The following SLC44A5 variants were observed in gnomAD, a reference collection of about 807,000 sequenced individuals.
The protein encoded by SLC44A5 is choline transporter-like protein 5.
In SLC44A5, 57 loss-of-function variants were observed where a neutral mutation model predicts 101.8. That is an observed-to-expected ratio of 0.56 (90% CI 0.45 to 0.70). The LOEUF is 0.70. SLC44A5 is among the 30% of genes least tolerant of loss of function. SLC44A5 has a pLI of 0.00. For synonymous variants in SLC44A5, 281 were observed against 290.9 expected, an observed-to-expected ratio of 0.97 and a Z score of 0.35; for missense variants, 737 against 853.1, an observed-to-expected ratio of 0.86 and a Z score of 1.70.
chr1:75,420,108 C>A (rs1331704817), intron 2 of SLC44A5, among the ~76,000 whole-genome samples: 1 of 152,016 alleles, frequency 6.6e-6, no homozygotes, highest in Non-Finnish European at 1.5e-5. Flanking sequence ...ATCCCTTCTA[C>A]CCTATGAAAA....
At chr1:75,549,150 G>C (rs1252289233) in intron 1 of SLC44A5, among the ~76,000 whole-genome samples, 2 of 152,122 alleles carry the variant, frequency 1.3e-5, no homozygotes, top group East Asian at 1.9e-4. Flanking sequence ...CAGAGGTTTT[G>C]CTTTGACTCT....
chr1:75,495,654 C>A (rs1167499911), intron 2 of SLC44A5, among the ~76,000 whole-genome samples: 1 of 151,386 alleles, frequency 6.6e-6, no homozygotes, highest in Non-Finnish European at 1.5e-5. Context: ...AAAGGTTCAG[C>A]AAACTCAAAG....
chr1:75,227,292 G>A lies in SLC44A5; in HGVS notation c.985+434C>T, dbSNP rs565981660. Among the ~76,000 whole-genome samples, 29 of 152,264 alleles carry A rather than the reference G, an allele frequency of 1.9e-4. No individual in the cohort carries two copies. In the South Asian group the frequency reaches 5.4e-3, roughly 28 times the overall value. On this transcript the variant is annotated intron_variant, in intron 13 of 23. Transcript: ENST00000370859. The stretch of plus-strand genomic sequence containing the variant: ...AGGTGGTAGAATTGCTTGAGTTTGG[G>A]AGGTCAAGGGTGAAGTTAGCCATGA...
chr1:75,305,048 T>C (rs911292584), intron 4 of SLC44A5, among the ~76,000 whole-genome samples: 4 of 152,226 alleles, frequency 2.6e-5, no homozygotes, highest in African/African-American at 9.6e-5. Context: ...TGCTACCTTA[T>C]ATCTATTTTC....
chr1:75,355,010 G>A lies in SLC44A5; in HGVS notation c.53-15380C>T, dbSNP rs1658963482. Among the ~76,000 whole-genome samples the A allele has an allele frequency of 2.6e-5, 4 of 152,210 alleles. No homozygotes were observed. In the South Asian group the frequency reaches 8.3e-4, roughly 32 times the overall value. Reference sequence around the variant, plus strand: ...ATGTCATAATGTATATCTGTTTCTCGATGTCCACTTTCCCACCACTGTGTG... The same window carrying A: ...ATGTCATAATGTATATCTGTTTCTCAATGTCCACTTTCCCACCACTGTGTG... On this transcript the variant is annotated intron_variant, in intron 3 of 23. Transcript: ENST00000370859.
intron 1 of SLC44A5, among the ~76,000 whole-genome samples, chr1:75,607,737 C>T (rs1570733908): frequency 6.6e-6 from 1 of 151,964 alleles, no homozygotes; most frequent in Admixed American, 6.6e-5. Flanking sequence ...TTCCCCTGTA[C>T]ATGCTATCTT....
the SLC44A5 span, among the ~76,000 whole-genome samples, chr1:75,681,445 G>GA: frequency 2.0e-5 from 3 of 151,280 alleles, no homozygotes; most frequent in Admixed American, 2.0e-4. Context: ...ATGCAAGGCT[G>GA]GTTCAATATA....
Position 75,242,080 on chromosome 1 carries a change from C to T in SLC44A5, c.472-19G>A, listed in dbSNP as rs755092319. 22 of 1,604,648 alleles carry T rather than the reference C, an allele frequency of 1.4e-5. No individual in the cohort carries two copies. The highest frequency in any genetic ancestry group is 2.2e-5 in the East Asian group (1 of 44,712). The stretch of plus-strand genomic sequence containing the variant: ...TGAGAGACTAAAATAGAAGGAAGAA[C>T]GTTAACATTTCAAAGGCCATGTGAT... On this transcript the variant is annotated intron_variant, in intron 8 of 23. Coordinates refer to ENST00000370859, the MANE Select transcript of SLC44A5 (RefSeq NM_001130058.2).
At chr1:75,432,411 C>T (rs1256489583) in intron 2 of SLC44A5, among the ~76,000 whole-genome samples, 1 of 152,128 alleles carries the variant, frequency 6.6e-6, no homozygotes, top group Non-Finnish European at 1.5e-5. Flanking sequence ...AAGACTAGTA[C>T]ATGCTCTAAA....
chr1:75,300,041 A>C (rs994907260), intron 5 of SLC44A5, among the ~76,000 whole-genome samples: 1 of 144,414 alleles, frequency 6.9e-6, no homozygotes, highest in Non-Finnish European at 1.5e-5. Context: ...AAAAAAAAAA[A>C]TTTCAAATAA....
At chr1:75,723,449 G>C in the SLC44A5 span, among the ~76,000 whole-genome samples, 2 of 152,094 alleles carry the variant, frequency 1.3e-5, no homozygotes, top group Admixed American at 6.5e-5. Context: ...ATGGTGGCAG[G>C]AACTACCGAC....
rs1346717141 is a variant in SLC44A5, at chr1:75,202,388, T to C, written c.*1339A>G. 1.3e-5 allele frequency: 2 copies of C among 152,182 alleles called. No homozygotes were observed. Among genetic ancestry groups the C allele is most frequent in the African/African-American group, 4.8e-5 (2 of 41,468 alleles). 9.4% of individuals were successfully genotyped at this position (152,182 alleles called of 1,614,324 possible). On this transcript the variant is annotated 3_prime_UTR_variant, in exon 24 of 24. Coordinates refer to ENST00000370859, the MANE Select transcript of SLC44A5 (RefSeq NM_001130058.2). ...TAAACTGATAGTAACTTACTGATGA[T>C]TGATTCTCAAAGCTTTCACAAATTA... is the stretch of plus-strand genomic sequence containing the variant.
At chr1:75,480,275 G>C (rs1204440377) in intron 2 of SLC44A5, among the ~76,000 whole-genome samples, 1 of 152,154 alleles carries the variant, frequency 6.6e-6, no homozygotes, top group East Asian at 1.9e-4. Flanking sequence ...AGCTATCTAT[G>C]ACAAACCCAC....
chr1:75,297,644 A>G (rs1654068471), intron 5 of SLC44A5, among the ~76,000 whole-genome samples: 1 of 152,250 alleles, frequency 6.6e-6, no homozygotes, highest in Non-Finnish European at 1.5e-5. Flanking sequence ...ACTTAATGAT[A>G]GCAATAAGTA....
At chr1:75,565,627 G>T (rs1177447641) in intron 1 of SLC44A5, among the ~76,000 whole-genome samples, 1 of 152,170 alleles carries the variant, frequency 6.6e-6, no homozygotes, top group Admixed American at 6.5e-5. Context: ...AGGCAGTAAT[G>T]TAGAACAGGT....
At chr1:75,610,996 T>C (rs1675631559) in intron 1 of SLC44A5, 44 bp downstream of exon 1, 6 of 922,996 alleles carry the variant, frequency 6.5e-6, no homozygotes, top group Non-Finnish European at 7.8e-6. Context: ...CTTGACCAAT[T>C]TTCCTACAGA....
the SLC44A5 span, among the ~76,000 whole-genome samples, chr1:75,705,232 T>A: frequency 6.6e-6 from 1 of 152,224 alleles, no homozygotes; most frequent in South Asian, 2.1e-4. Context: ...TGTCCAATCA[T>A]AAGAGTGATC....
the SLC44A5 span, among the ~76,000 whole-genome samples, chr1:75,663,390 T>C: frequency 1.3e-5 from 2 of 152,176 alleles, no homozygotes; most frequent in African/African-American, 4.8e-5. Context: ...CCAAATATAC[T>C]GGCACTCTGA....
At chr1:75,592,276 G>A in intron 1 of SLC44A5, among the ~76,000 whole-genome samples, 1 of 151,986 alleles carries the variant, frequency 6.6e-6, no homozygotes, top group Middle Eastern at 3.4e-3. Context: ...CATTATAATA[G>A]CCACACATAA....
Sources: allele counts gnomAD v4.1 joint callset (sites outside exome capture counted in the v4.1 genomes callset), GRCh38; gene constraint gnomAD v4.1.1; transcripts MANE v1.5; gene names NCBI Gene and HGNC (gene_info 2026-07-23, HGNC 2026-07-21).